The following SPTLC1 variants were observed in gnomAD, a reference collection of about 807,000 sequenced individuals.
SPTLC1 encodes the protein serine palmitoyltransferase long chain base subunit 1.
A neutral mutation model predicts 68.9 loss-of-function variants in SPTLC1; 55 were observed. The ratio of observed to expected loss-of-function variants is 0.80; its 90% CI spans 0.64 to 1.00. The LOEUF (loss-of-function observed/expected upper bound fraction) is 1.00. SPTLC1 is among the 50% of genes least tolerant of loss of function. The pLI is 0.00. For synonymous variants in SPTLC1, 197 were observed against 201.6 expected, an observed-to-expected ratio of 0.98 and a Z score of 0.19; for missense variants, 449 against 573.1, an observed-to-expected ratio of 0.78 and a Z score of 2.21.
intron 5 of SPTLC1, among the ~76,000 whole-genome samples, chr9:92,075,035 T>C (rs2118646066): frequency 6.6e-6 from 1 of 152,230 alleles, no homozygotes; most frequent in Middle Eastern, 3.4e-3. Context: ...TGACCTGCTT[T>C]CTTTTCGTCC....
chr9:92,051,588 C>A (rs933482274), intron 8 of SPTLC1, among the ~76,000 whole-genome samples: 3 of 152,318 alleles, frequency 2.0e-5, no homozygotes, highest in African/African-American at 7.2e-5. Flanking sequence ...ATTTTCGCCA[C>A]CTGTAGTCAA....
chr9:92,104,896 C>T (rs4514044), intron 3 of SPTLC1: 1 of 1,534,278 alleles, frequency 6.5e-7, no homozygotes, highest in East Asian at 2.4e-5. Context: ...CAGTGAGTTT[C>T]TACTCCAAGG....
rs959807923 is a variant in SPTLC1, at chr9:92,115,245, T to A, written c.57+69A>T. On this transcript the variant is annotated intron_variant, in intron 1 of 14. Transcript: ENST00000262554. ...TCCCGCCGAGGTCTCAGGCCACAAA[T>A]CCACACGCGTCCTCCCACCCTCCCC... is the stretch of plus-strand genomic sequence containing the variant. The A allele has an allele frequency of 2.0e-6, 3 of 1,507,608 alleles. No homozygotes were observed. In the African/African-American group the frequency reaches 4.1e-5, roughly 21 times the overall value. The allele number at this position is 1,507,608 out of a possible 1,614,324, so 93.4% of individuals were successfully genotyped here. A position where few individuals can be genotyped will look rare whatever the true frequency, so the allele number is the denominator to read the frequency against.
chr9:92,098,879 G>A (rs1353129374), intron 3 of SPTLC1, among the ~76,000 whole-genome samples: 1 of 147,164 alleles, frequency 6.8e-6, no homozygotes. Flanking sequence ...AGTCAGGAGT[G>A]GAGCAGGAGA....
At chr9:92,066,888 G>C (rs1019587405) in intron 6 of SPTLC1, among the ~76,000 whole-genome samples, 1 of 152,088 alleles carries the variant, frequency 6.6e-6, no homozygotes, top group Non-Finnish European at 1.5e-5. Flanking sequence ...GCTGAGGTAA[G>C]AGAATTGCTT....
chr9:92,055,440 T>A lies in SPTLC1; in HGVS notation c.745A>T (p.Met249Leu). 1 of 1,613,868 alleles carries A rather than the reference T, an allele frequency of 6.2e-7. No individual in the cohort carries two copies. The highest frequency in any genetic ancestry group is 1.3e-5 in the African/African-American group (1 of 75,074). ...RRFIVVEGLY[M>L]NTGTICPLPE... The stretch of plus-strand genomic sequence containing the variant: ...AGAGGACAAATAGTTCCAGTATTCA[T>A]ATACAATCCTTCTACTACAATGAAA... Residue 249 changes from methionine to leucine, a missense_variant, in exon 8 of 15, where the codon ATG (methionine) becomes TTG (leucine). By Grantham distance (15) the Met-to-Leu change is conservative. Transcript: ENST00000262554.
chr9:92,040,294 T>C (rs1204461493), intron 12 of SPTLC1, among the ~76,000 whole-genome samples: 1 of 151,820 alleles, frequency 6.6e-6, no homozygotes, highest in African/African-American at 2.4e-5. Context: ...CGCTTGAACC[T>C]GGGAGGCAGA....
chr9:92,060,279 G>C (rs556756454), intron 6 of SPTLC1, among the ~76,000 whole-genome samples: 17 of 152,220 alleles, frequency 1.1e-4, no homozygotes, highest in African/African-American at 4.1e-4. Context: ...AAAGTGTCTA[G>C]GTTTCCATCA....
In SPTLC1 at chr9:92,031,621, T is replaced by C. The variant is rs1310603981; in HGVS notation, c.*844A>G. 2 of 152,170 alleles carry C rather than the reference T, an allele frequency of 1.3e-5. No individual in the cohort carries two copies. The highest frequency in any genetic ancestry group is 6.6e-5 in the Admixed American group (1 of 15,264). The allele number at this position is 152,170 out of a possible 1,614,324, so 9.4% of individuals were successfully genotyped here. A position where few individuals can be genotyped will look rare whatever the true frequency, so the allele number is the denominator to read the frequency against. ...TACACGTCCCTAGGCAAACCCACCA[T>C]ACAAAAAAGGAATACATTTGAGATA... On this transcript the variant is annotated 3_prime_UTR_variant, in exon 15 of 15. Coordinates refer to ENST00000262554, the MANE Select transcript of SPTLC1 (RefSeq NM_006415.4).
intron 2 of SPTLC1, chr9:92,110,360 T>C (rs1415814067): frequency 6.6e-6 from 1 of 152,222 alleles, no homozygotes; most frequent in Non-Finnish European, 1.5e-5. Flanking sequence ...ATTTCTCCTA[T>C]TCGATTAGAA....
intron 6 of SPTLC1, 85 bp downstream of exon 6, chr9:92,067,881 A>G (rs1169755037): frequency 1.4e-6 from 2 of 1,479,172 alleles, no homozygotes; most frequent in African/African-American, 1.4e-5. Flanking sequence ...TTTTATGCAG[A>G]TAACTTCTAA....
intron 2 of SPTLC1, chr9:92,109,290 C>T (rs542066063): frequency 5.3e-4 from 93 of 176,520 alleles, no homozygotes; most frequent in Middle Eastern, 2.8e-3. Context: ...TATCCTTCTT[C>T]GCCGGTTTTT....
intron 6 of SPTLC1, among the ~76,000 whole-genome samples, chr9:92,066,406 C>G (rs551849145): frequency 2.0e-5 from 3 of 152,220 alleles, no homozygotes; most frequent in Admixed American, 6.5e-5. Flanking sequence ...GGACGGCCTC[C>G]CTGCAGAGGT....
intron 6 of SPTLC1, among the ~76,000 whole-genome samples, chr9:92,065,137 T>C (rs1834237289): frequency 6.6e-6 from 1 of 152,254 alleles, no homozygotes; most frequent in South Asian, 2.1e-4. Context: ...CAAGTGCTTT[T>C]GAATCTACAA....
intron 11 of SPTLC1, among the ~76,000 whole-genome samples, chr9:92,046,526 A>G (rs989556314): frequency 1.3e-5 from 2 of 152,218 alleles, no homozygotes; most frequent in African/African-American, 2.4e-5. Context: ...AAGCATATGA[A>G]TGAGCACAGA....
intron 8 of SPTLC1, chr9:92,051,262 AT>A: frequency 1.0e-6 from 1 of 984,926 alleles, no homozygotes; most frequent in Non-Finnish European, 1.2e-6. Flanking sequence ...TCCTTATTCA[AT>A]TAATAGACTC....
intron 3 of SPTLC1, among the ~76,000 whole-genome samples, chr9:92,097,660 G>A (rs1384818222): frequency 6.6e-6 from 1 of 152,172 alleles, no homozygotes; most frequent in African/African-American, 2.4e-5. Flanking sequence ...CTAAGGCCTG[G>A]GCAGAGGAAG....
At chr9:92,057,390 C>A (rs1376252026) in intron 7 of SPTLC1, among the ~76,000 whole-genome samples, 3 of 152,188 alleles carry the variant, frequency 2.0e-5, no homozygotes, top group Non-Finnish European at 4.4e-5. Flanking sequence ...TTACTTGGAT[C>A]CTGGAATGTA....
At chr9:92,070,935 C>A (rs2118618875) in intron 5 of SPTLC1, among the ~76,000 whole-genome samples, 1 of 152,288 alleles carries the variant, frequency 6.6e-6, no homozygotes, top group East Asian at 1.9e-4. Context: ...ATAAGAGCCA[C>A]TTGTTCAGCT....
Sources: allele counts gnomAD v4.1 joint callset (sites outside exome capture counted in the v4.1 genomes callset), GRCh38; gene constraint gnomAD v4.1.1; transcripts MANE v1.5; gene names NCBI Gene and HGNC (gene_info 2026-07-23, HGNC 2026-07-21).